GPC6: variants seen among roughly 807,000 people sequenced by gnomAD.
GPC6 encodes glypican 6.
A neutral mutation model predicts 55.2 loss-of-function variants in GPC6; 14 were observed. That is an observed-to-expected ratio of 0.25 (90% CI 0.17 to 0.40). GPC6 has a LOEUF of 0.40. Among genes scored for constraint, GPC6 ranks in the 10% least tolerant of loss-of-function variants. The pLI is 1.00. For synonymous variants in GPC6, 278 were observed against 259.6 expected (o/e 1.07, Z -0.68); for missense variants, 641 against 708.5 (o/e 0.90, Z 1.08).
In GPC6 at chr13:93,789,507, C is replaced by CTATA. The variant is rs1261981887; in HGVS notation, c.320-40646_320-40645insATAT. ...ACTCTCTCTCTCTCTCTCTCTCTCT[C>CTATA]TCTATATATATATATATATATATAT... On this transcript the variant is annotated intron_variant, in intron 2 of 8. Transcript: ENST00000377047. 1.8e-3 allele frequency among the ~76,000 whole-genome samples: 161 copies of CTATA among 89,956 alleles called. 3 individuals are homozygous for CTATA. Among genetic ancestry groups the CTATA allele is most frequent in the East Asian group, 0.011 (36 of 3,326 alleles). The allele number at this position is 89,956 out of a possible 152,430, so 59.0% of individuals were successfully genotyped here. A position where few individuals can be genotyped will look rare whatever the true frequency, so the allele number is the denominator to read the frequency against.
intron 3 of GPC6, among the ~76,000 whole-genome samples, chr13:93,932,709 G>A (rs1011966237): frequency 7.9e-5 from 12 of 152,072 alleles, no homozygotes; most frequent in Non-Finnish European, 1.5e-4. Flanking sequence ...CTCTGGGACC[G>A]TGAGCCCAGT....
intron 1 of GPC6, among the ~76,000 whole-genome samples, chr13:93,315,643 C>G (rs912411812): frequency 4.6e-5 from 7 of 151,690 alleles, no homozygotes; most frequent in African/African-American, 1.7e-4. Flanking sequence ...TTCACTAAGA[C>G]TAAAAGTGTA....
At chr13:93,275,159 G>C (rs1877685211) in intron 1 of GPC6, among the ~76,000 whole-genome samples, 1 of 152,204 alleles carries the variant, frequency 6.6e-6, no homozygotes, top group African/African-American at 2.4e-5. Flanking sequence ...GTTGCAAACA[G>C]ATGCTGTAAC....
At chr13:94,007,011 A>C (rs1422974063) in intron 3 of GPC6, among the ~76,000 whole-genome samples, 1 of 152,216 alleles carries the variant, frequency 6.6e-6, no homozygotes, top group African/African-American at 2.4e-5. Flanking sequence ...TTCCCTCCTT[A>C]GTCACTATGC....
intron 1 of GPC6, among the ~76,000 whole-genome samples, chr13:93,480,889 C>T (rs1414003492): frequency 6.6e-6 from 1 of 152,124 alleles, no homozygotes; most frequent in Non-Finnish European, 1.5e-5. Flanking sequence ...CATATTATGA[C>T]TAATGCTGTT....
At chr13:93,421,340 C>T (rs1285748046) in intron 1 of GPC6, among the ~76,000 whole-genome samples, 1 of 152,096 alleles carries the variant, frequency 6.6e-6, no homozygotes, top group Admixed American at 6.6e-5. Context: ...GGCTCATGAA[C>T]TTCATTTTTG....
At chr13:93,319,896 T>C (rs1357556577) in intron 1 of GPC6, among the ~76,000 whole-genome samples, 2 of 152,048 alleles carry the variant, frequency 1.3e-5, no homozygotes, top group Non-Finnish European at 2.9e-5. Context: ...AGGATATACA[T>C]GGAGCATAGT....
chr13:93,549,663 G>A (rs534214661), intron 2 of GPC6, among the ~76,000 whole-genome samples: 134 of 152,044 alleles, frequency 8.8e-4, no homozygotes, highest in African/African-American at 3.1e-3. Flanking sequence ...GGTCAACACC[G>A]CCTATCCCTC....
chr13:93,964,850 A>G (rs1594625986), intron 3 of GPC6, among the ~76,000 whole-genome samples: 1 of 152,150 alleles, frequency 6.6e-6, no homozygotes, highest in African/African-American at 2.4e-5. Flanking sequence ...TTATGGCTCC[A>G]GTAATTCTCA....
At chr13:93,496,513 C>G (rs896818531) in intron 1 of GPC6, among the ~76,000 whole-genome samples, 19 of 152,226 alleles carry the variant, frequency 1.2e-4, no homozygotes. Context: ...GGAGCTGTTC[C>G]TATTCGGCCA....
At chr13:93,319,908 G>A (rs1879375979) in intron 1 of GPC6, among the ~76,000 whole-genome samples, 1 of 152,070 alleles carries the variant, frequency 6.6e-6, no homozygotes, top group Admixed American at 6.6e-5. Flanking sequence ...GAGCATAGTG[G>A]AAACTAGAAG....
At chr13:93,798,094 G>A (rs1300518199) in intron 2 of GPC6, among the ~76,000 whole-genome samples, 1 of 152,128 alleles carries the variant, frequency 6.6e-6, no homozygotes, top group Non-Finnish European at 1.5e-5. Flanking sequence ...GCTAGAGTGT[G>A]GAAGGCTTGA....
rs752752963 is a variant in GPC6 at position 94,306,091 on chromosome 13, A to C, written c.1120A>C (p.Thr374Pro). 1 of 1,614,244 alleles carries C rather than the reference A, an allele frequency of 6.2e-7. No homozygotes were observed. The highest frequency in any genetic ancestry group is 1.7e-5 in the Admixed American group (1 of 60,030). Residue 374 changes from threonine to proline, a missense_variant, in exon 6 of 9, where the codon ACA becomes CCA. By Grantham distance (38) the Thr-to-Pro change is conservative. Transcript: ENST00000377047. The part of the protein sequence containing the change: ...FRPYNPEERP[T>P]TAAGTSLDRL... ...GCCCTACAATCCTGAGGAAAGACCA[A>C]CAACTGCTGCAGGCACAAGCTTGGA...
At chr13:93,787,337 G>A (rs1390810385) in intron 2 of GPC6, among the ~76,000 whole-genome samples, 1 of 152,094 alleles carries the variant, frequency 6.6e-6, no homozygotes, top group African/African-American at 2.4e-5. Context: ...TGACTATTCA[G>A]CTCTGCCATT....
At chr13:93,882,657 A>T (rs988623106) in intron 3 of GPC6, among the ~76,000 whole-genome samples, 4 of 152,064 alleles carry the variant, frequency 2.6e-5, no homozygotes, top group Non-Finnish European at 5.9e-5. Context: ...TGTAAATACC[A>T]CCCCAGTTTC....
chr13:94,031,109 C>CGT (rs1883118065), intron 4 of GPC6, among the ~76,000 whole-genome samples: 2 of 142,572 alleles, frequency 1.4e-5, no homozygotes, highest in South Asian at 2.2e-4. Flanking sequence ...TGTGTGCGTG[C>CGT]ATGTGTGTGT....
intron 1 of GPC6, among the ~76,000 whole-genome samples, chr13:93,317,234 G>A (rs1879277775): frequency 6.6e-6 from 1 of 151,956 alleles, no homozygotes; most frequent in South Asian, 2.1e-4. Context: ...AATTTGAATG[G>A]GCACATACCA....
chr13:93,820,668 AG>A (rs1403818251), intron 2 of GPC6, among the ~76,000 whole-genome samples: 1 of 147,000 alleles, frequency 6.8e-6, no homozygotes. Flanking sequence ...GTATCAAAGT[AG>A]GGTTTTTTTT....
At chr13:93,805,355 A>G (rs1886512005) in intron 2 of GPC6, among the ~76,000 whole-genome samples, 1 of 152,164 alleles carries the variant, frequency 6.6e-6, no homozygotes. Context: ...GTCACCCTCT[A>G]TCACCAAGTC....
Sources: gnomAD v4.1 joint callset for allele counts (sites outside exome capture counted in the v4.1 genomes callset) on GRCh38, gnomAD v4.1.1 for gene constraint, MANE v1.5 for transcripts, NCBI Gene and HGNC (gene_info 2026-07-23, HGNC 2026-07-21) for gene names.